Variants in CEBPZ observed in about 807,000 individuals in gnomAD.
CEBPZ encodes the protein CCAAT enhancer binding protein zeta, also known as CCAAT/enhancer-binding protein zeta.
In CEBPZ, 78 loss-of-function variants were observed where a neutral mutation model predicts 104.5. The observed-to-expected ratio is 0.75, with a 90% CI of 0.62 to 0.90. The LOEUF is 0.90. CEBPZ is among the 40% of genes least tolerant of loss of function. The pLI, the probability that CEBPZ is intolerant of heterozygous loss-of-function variation, is 0.00. For missense variants in CEBPZ, 1,439 were observed against 1,233.5 expected, an observed-to-expected ratio of 1.17 and a Z score of -2.50; for synonymous variants, 470 against 427.0, an observed-to-expected ratio of 1.10 and a Z score of -1.24.
Position 37,228,536 on chromosome 2 carries a change from T to A in CEBPZ, c.657A>T (p.Leu219Phe). ...AQKLYQHEIN[L>F]FKSKTNSQKG... Reference sequence around the variant, plus strand: ...TTTGACTATTCGTCTTACTTTTGAATAAGTTGATTTCATGCTGATACAGCT... The same window carrying A: ...TTTGACTATTCGTCTTACTTTTGAAAAAGTTGATTTCATGCTGATACAGCT... Residue 219 changes from leucine to phenylalanine, a missense_variant, in exon 2 of 16, where the codon TTA becomes TTT. Leu to Phe is a conservative substitution (Grantham distance 22). Coordinates refer to ENST00000234170, the MANE Select transcript of CEBPZ (RefSeq NM_005760.3). The A allele has an allele frequency of 6.2e-7, 1 of 1,614,214 alleles. No individual in the cohort carries two copies. The highest frequency in any genetic ancestry group is 8.5e-7 in the Non-Finnish European group (1 of 1,180,024).
chr2:37,213,244 G>C (rs1677783290), intron 10 of CEBPZ, among the ~76,000 whole-genome samples: 1 of 152,150 alleles, frequency 6.6e-6, no homozygotes, highest in African/African-American at 2.4e-5. Flanking sequence ...TACTATAATA[G>C]ATTATGAATA....
Position 37,228,470 on chromosome 2 carries a change from CG to C in CEBPZ, c.722del (p.Ser241TrpfsTer4). On this transcript the variant is annotated frameshift_variant, in exon 2 of 16. Transcript: ENST00000234170. LOFTEE classifies it high-confidence loss of function. ...CTGCCATCCTGTCACCTAGTGTCCC[CG>C]ATGACACAATTGCCTTCATCCAGGT... is the stretch of plus-strand genomic sequence containing the variant. ...SSTWMKAIVSSGTLGDRMAAM... is the reference protein window; with the variant it reads ...SSTWMKAIVSXGTLGDRMAAM... 1 of 1,614,120 alleles carries C rather than the reference CG, an allele frequency of 6.2e-7. No individual in the cohort carries two copies. The highest frequency in any genetic ancestry group is 8.5e-7 in the Non-Finnish European group (1 of 1,180,016).
At chr2:37,212,457 C>G (rs1026717870) in intron 10 of CEBPZ, 65 bp from the exon 11 acceptor site, 18 of 1,316,084 alleles carry the variant, frequency 1.4e-5, no homozygotes, top group Admixed American at 1.7e-5. Context: ...TATCTTGTAT[C>G]TGAATCAATT....
chr2:37,217,909 A>AG (rs535341231), intron 5 of CEBPZ, among the ~76,000 whole-genome samples: 1 of 138,008 alleles, frequency 7.2e-6, no homozygotes, highest in Non-Finnish European at 1.7e-5. Flanking sequence ...CTCAAAAAAA[A>AG]AAAACAAAAA....
At chr2:37,226,183 T>C (rs1419702009) in intron 2 of CEBPZ, among the ~76,000 whole-genome samples, 1 of 151,978 alleles carries the variant, frequency 6.6e-6, no homozygotes, top group East Asian at 1.9e-4. Flanking sequence ...GTTCCCCTTA[T>C]TTCTTTCTCT....
Position 37,231,357 on chromosome 2 carries a change from C to G in CEBPZ, c.156+55G>C, listed in dbSNP as rs1320708786. On this transcript the variant is annotated intron_variant, in intron 1 of 15. Coordinates refer to ENST00000234170, the MANE Select transcript of CEBPZ (RefSeq NM_005760.3). ...GGAAGCGGCGGGGCAGTCAGCCTAGCCACCTTCGGAACTCTCCACGCCTGA... is the reference window on the plus strand; with the variant it reads ...GGAAGCGGCGGGGCAGTCAGCCTAGGCACCTTCGGAACTCTCCACGCCTGA... The G allele has an allele frequency of 2.5e-6, 4 of 1,607,806 alleles. No individual in the cohort carries two copies. The African/African-American group carries it at 5.3e-5, about 21-fold the overall frequency.
chr2:37,229,306 C>T (rs1664975845), intron 1 of CEBPZ, among the ~76,000 whole-genome samples: 1 of 151,824 alleles, frequency 6.6e-6, no homozygotes, highest in Admixed American at 6.6e-5. Flanking sequence ...ACAAGCAATT[C>T]CTATCAAAGT....
chr2:37,213,336 G>C (rs1677785430), intron 10 of CEBPZ: 1 of 152,824 alleles, frequency 6.5e-6, no homozygotes, highest in South Asian at 2.0e-4. Flanking sequence ...TTCTTATATA[G>C]ACTATCCAAA....
intron 2 of CEBPZ, among the ~76,000 whole-genome samples, chr2:37,227,270 T>C (rs1664909938): frequency 6.6e-6 from 1 of 152,238 alleles, no homozygotes; most frequent in African/African-American, 2.4e-5. Context: ...AATTCTGAAA[T>C]ACTAGGTGGT....
At chr2:37,227,509 A>G in intron 2 of CEBPZ, 35 bp downstream of exon 2, 2 of 1,546,700 alleles carry the variant, frequency 1.3e-6, no homozygotes, top group Non-Finnish European at 1.7e-6. Context: ...TCAAGTTATT[A>G]TTTCATGTCT....
chr2:37,210,929 T>C (rs142473640), intron 13 of CEBPZ, 70 bp downstream of exon 13: 18 of 1,081,370 alleles, frequency 1.7e-5, no homozygotes, highest in East Asian at 2.6e-5. Flanking sequence ...GGAGAGTTCA[T>C]TTCCCAAAAT....
rs1412111427 is a variant in CEBPZ at position 37,228,273 on chromosome 2, A to G, written c.920T>C (p.Phe307Ser). 1 of 1,614,104 alleles carries G rather than the reference A, an allele frequency of 6.2e-7. No individual in the cohort carries two copies. Among genetic ancestry groups the G allele is most frequent in the African/African-American group, 1.3e-5 (1 of 74,946 alleles). Residue 307 changes from phenylalanine to serine, a missense_variant, in exon 2 of 16, where the codon TTC becomes TCC. Phe to Ser is a radical substitution (Grantham distance 155). Transcript: ENST00000234170. ...CAGTTTGTCAAAAGGACGCTGGCTG[A>G]AAATCCTCAGCTTCCGATTGTCTGG... ...LLPDNRKLRI[F>S]SQRPFDKLEQ... is the part of the protein sequence containing the mutation.
rs749953724 is a variant in CEBPZ, at chr2:37,227,949, T to A, written c.1244A>T (p.Asn415Ile). 1 of 1,614,092 alleles carries A rather than the reference T, an allele frequency of 6.2e-7. No individual in the cohort carries two copies. Among genetic ancestry groups the A allele is most frequent in the Non-Finnish European group, 8.5e-7 (1 of 1,180,024 alleles). Residue 415 changes from asparagine (N) to isoleucine (I), a missense_variant, in exon 2 of 16, where the codon AAT becomes ATT. Coordinates refer to ENST00000234170, the MANE Select transcript of CEBPZ (RefSeq NM_005760.3). Reference protein sequence around the residue: ...LLETLLCKHPNMKGVVSGEVE... With the variant: ...LLETLLCKHPIMKGVVSGEVE... ...TTCACCAGACACAACTCCTTTCATATTGGGATGTTTACAAAGTAATGTCTC... is the reference window on the plus strand; with the variant it reads ...TTCACCAGACACAACTCCTTTCATAATGGGATGTTTACAAAGTAATGTCTC...
intron 5 of CEBPZ, among the ~76,000 whole-genome samples, 196 bp downstream of exon 5, chr2:37,220,189 C>T (rs946349953): frequency 7.9e-5 from 12 of 151,322 alleles, no homozygotes; most frequent in African/African-American, 1.7e-4. Flanking sequence ...TGGTGGTGGG[C>T]GCCTGTAATC....
chr2:37,211,107 T>C, intron 12 of CEBPZ, 25 bp from the exon 13 acceptor site: 3 of 1,510,970 alleles, frequency 2.0e-6, no homozygotes, highest in East Asian at 2.3e-5. Context: ...AATTTGCTAA[T>C]AAGCAATTTA....
rs779235292 is a variant in CEBPZ, at chr2:37,212,007, T to A, written c.2636A>T (p.Asp879Val). The part of the protein sequence containing the change: ...NVKKRTKGAK[D>V]NTLDEDSEGS... ...TTCTGAATCTTCATCTAATGTGTTA[T>A]CCTTAGCTCCTTTTGTTCTCTTTTT... is the stretch of plus-strand genomic sequence containing the variant. The change falls in exon 12 of 16, where the codon GAT (aspartate) becomes GTT (valine). Residue 879 changes from aspartate to valine, a missense_variant. Transcript: ENST00000234170. 6.3e-7 allele frequency: 1 copy of A among 1,592,840 alleles called. No individual in the cohort carries two copies. The highest frequency in any genetic ancestry group is 2.2e-5 in the East Asian group (1 of 44,744).
rs539407748 is a variant in CEBPZ at position 37,205,535 on chromosome 2, ACT to A, written c.2885-2529_2885-2528del. Among the ~76,000 whole-genome samples the A allele has an allele frequency of 5.3e-3, 807 of 151,602 alleles. 3 individuals are homozygous for A. Among genetic ancestry groups the A allele is most frequent in the African/African-American group, 0.018 (756 of 41,264 alleles). ...GCCCCACCCCTATCTCCCTTCACTG[ACT>A]CTCTTTTCGGACTCAGCCCGCCTGC... is the stretch of plus-strand genomic sequence containing the variant. On this transcript the variant is annotated intron_variant, in intron 13 of 15. Coordinates refer to ENST00000234170, the MANE Select transcript of CEBPZ (RefSeq NM_005760.3).
chr2:37,217,694 A>C (rs975179571), intron 5 of CEBPZ, among the ~76,000 whole-genome samples: 8 of 151,328 alleles, frequency 5.3e-5, no homozygotes, highest in Admixed American at 1.3e-4. Flanking sequence ...CGAGGTCAGG[A>C]GATCGAGACC....
In CEBPZ at chr2:37,228,676, G is replaced by C; in HGVS notation, c.517C>G (p.Gln173Glu). Residue 173 changes from glutamine to glutamate, a missense_variant, in exon 2 of 16, where the codon CAG becomes GAG. Gln to Glu is a conservative substitution (Grantham distance 29). Transcript: ENST00000234170. The stretch of plus-strand genomic sequence containing the variant: ...CCTCCAGGCCTAAGTAACAAAGTCT[G>C]TCTCTCAAAAAATTCAAAGATGTTC... ...KQNIFEFFER[Q>E]TLLLRPGGKW... 6.2e-7 allele frequency: 1 copy of C among 1,614,148 alleles called. No individual in the cohort carries two copies. The highest frequency in any genetic ancestry group is 2.2e-5 in the East Asian group (1 of 44,888).
Sources: allele counts gnomAD v4.1 joint callset (sites outside exome capture counted in the v4.1 genomes callset), GRCh38; gene constraint gnomAD v4.1.1; transcripts MANE v1.5; gene names NCBI Gene and HGNC (gene_info 2026-07-23, HGNC 2026-07-21).